The following SLC39A11 variants were observed in gnomAD, a reference collection of about 807,000 sequenced individuals.
SLC39A11 encodes the protein solute carrier family 39 member 11.
A neutral mutation model predicts 36.1 loss-of-function variants in SLC39A11; 33 were observed. That is an observed-to-expected ratio of 0.91 (90% CI 0.69 to 1.22). The LOEUF (loss-of-function observed/expected upper bound fraction) is 1.22, where lower values mean the gene tolerates loss of function less well. Among genes scored for constraint, SLC39A11 ranks in the 50% most tolerant of loss-of-function variants. The pLI, the probability that SLC39A11 is intolerant of heterozygous loss-of-function variation, is 0.00. For synonymous variants in SLC39A11, 166 were observed against 170.3 expected, an observed-to-expected ratio of 0.97 and a Z score of 0.20; for missense variants, 432 against 430.3, an observed-to-expected ratio of 1.00 and a Z score of -0.03.
intron 6 of SLC39A11, among the ~76,000 whole-genome samples, chr17:72,775,172 C>T (rs1471735780): frequency 6.6e-6 from 1 of 152,098 alleles, no homozygotes; most frequent in African/African-American, 2.4e-5. Flanking sequence ...ACTCAGCTAA[C>T]GTATCACCTT....
At chr17:72,938,508 A>C (rs1036137156) in intron 5 of SLC39A11, among the ~76,000 whole-genome samples, 2 of 152,182 alleles carry the variant, frequency 1.3e-5, no homozygotes, top group African/African-American at 4.8e-5. Context: ...GGAGTGAATA[A>C]ATGCAAAGGA....
chr17:72,884,611 A>G (rs541557270), intron 5 of SLC39A11, among the ~76,000 whole-genome samples: 1 of 152,222 alleles, frequency 6.6e-6, no homozygotes, highest in Non-Finnish European at 1.5e-5. Flanking sequence ...TATCTTAAGG[A>G]CCAGACTATA....
chr17:72,844,094 A>G lies in SLC39A11; in HGVS notation c.601+5540T>C, dbSNP rs140576353. ...GTCTGTCTTAAAAACCCAGAGTCTCAGGGAATGTCAAAGCTCTAGTTAAAT... is the reference window on the plus strand; with the variant it reads ...GTCTGTCTTAAAAACCCAGAGTCTCGGGGAATGTCAAAGCTCTAGTTAAAT... On this transcript the variant is annotated intron_variant, in intron 6 of 9. Transcript: ENST00000255559. Among the ~76,000 whole-genome samples the G allele has an allele frequency of 3.2e-3, 480 of 152,352 alleles. 1 individual carries two copies. The highest frequency in any genetic ancestry group is 9.9e-3 in the African/African-American group (412 of 41,582).
intron 3 of SLC39A11, among the ~76,000 whole-genome samples, chr17:73,074,357 G>A (rs1453394882): frequency 6.9e-6 from 1 of 144,280 alleles, no homozygotes; most frequent in Non-Finnish European, 1.5e-5. Context: ...GAGTGCAGTG[G>A]TGCAATCTTG....
chr17:72,649,250 G>A lies in SLC39A11; in HGVS notation c.690C>T (p.Ile230=), dbSNP rs186594537. ...GGCCCTCGGGGAAATTCTGGATCCC[G>A]ATTCCAATGGCCAAATTCCTGAAAA... is the stretch of plus-strand genomic sequence containing the variant. ...FESARNLAIG[I]GIQNFPEGLA... Residue 230 remains isoleucine, a synonymous_variant, in exon 8 of 10, where the codon ATC becomes ATT. Coordinates refer to ENST00000255559, the MANE Select transcript of SLC39A11 (RefSeq NM_139177.4). 50 of 1,614,158 alleles carry A rather than the reference G, an allele frequency of 3.1e-5. No individual in the cohort carries two copies. In the African/African-American group the frequency reaches 4.8e-4, roughly 15 times the overall value.
chr17:72,850,770 G>GAA (rs2079271709), intron 5 of SLC39A11, among the ~76,000 whole-genome samples: 1 of 152,196 alleles, frequency 6.6e-6, no homozygotes, highest in Non-Finnish European at 1.5e-5. Context: ...AACAATGTCT[G>GAA]AAAGTACTTA....
chr17:72,758,559 T>C (rs2075450013), intron 6 of SLC39A11, among the ~76,000 whole-genome samples: 1 of 152,192 alleles, frequency 6.6e-6, no homozygotes, highest in African/African-American at 2.4e-5. Context: ...TTTCCTTCCC[T>C]AATATAGACT....
At chr17:72,721,898 A>G (rs1490528174) in intron 7 of SLC39A11, among the ~76,000 whole-genome samples, 1 of 146,842 alleles carries the variant, frequency 6.8e-6, no homozygotes, top group Non-Finnish European at 1.5e-5. Context: ...TGAACCTGGG[A>G]GGCAGAGGCT....
At chr17:73,075,070 T>C (rs567105308) in intron 3 of SLC39A11, among the ~76,000 whole-genome samples, 12 of 152,310 alleles carry the variant, frequency 7.9e-5, no homozygotes, top group Admixed American at 2.0e-4. Flanking sequence ...TCCAAATTCA[T>C]CCAGATGTCT....
At chr17:73,048,338 C>A (rs114720529) in intron 3 of SLC39A11, among the ~76,000 whole-genome samples, 8,728 of 152,190 alleles carry the variant, frequency 0.057, 559 homozygotes, top group East Asian at 0.39. Context: ...GCCTCCAGCT[C>A]CATCCATGTT....
At chr17:72,936,141 T>C (rs1039679865) in intron 5 of SLC39A11, among the ~76,000 whole-genome samples, 4 of 152,010 alleles carry the variant, frequency 2.6e-5, no homozygotes, top group African/African-American at 9.7e-5. Context: ...GACGTTGTGG[T>C]GAGCCGAGAT....
intron 6 of SLC39A11, among the ~76,000 whole-genome samples, chr17:72,740,188 G>C (rs557011460): frequency 1.4e-5 from 2 of 145,760 alleles, no homozygotes; most frequent in East Asian, 4.3e-4. Context: ...TCAGCCTCCC[G>C]AGTGGCTGGG....
At chr17:72,975,998 G>A (rs1486226704) in intron 4 of SLC39A11, among the ~76,000 whole-genome samples, 14 of 151,004 alleles carry the variant, frequency 9.3e-5, no homozygotes, top group South Asian at 4.2e-4. Flanking sequence ...GTGAAACCCC[G>A]TCTCTACTAA....
At chr17:72,996,457 A>C (rs930706345) in intron 4 of SLC39A11, among the ~76,000 whole-genome samples, 4 of 152,186 alleles carry the variant, frequency 2.6e-5, no homozygotes, top group African/African-American at 9.7e-5. Context: ...GAATCAAGGT[A>C]TCAGCAGGGC....
intron 7 of SLC39A11, among the ~76,000 whole-genome samples, chr17:72,679,500 C>A (rs2071417801): frequency 6.6e-6 from 1 of 152,192 alleles, no homozygotes; most frequent in South Asian, 2.1e-4. Context: ...CCCAGGGAAC[C>A]TGTTCTGCAG....
rs149939873 is a variant in SLC39A11, at chr17:72,947,834, G to A, written c.348C>T (p.Phe116=). ...ACTTCTTCTTCATCAACGTAGAGCCGAAGTTCAGTGCCAGGGTCGTCTGGG... is the reference window on the plus strand; with the variant it reads ...ACTTCTTCTTCATCAACGTAGAGCCAAAGTTCAGTGCCAGGGTCGTCTGGG... The part of the protein sequence containing the change: ...EDPQTTLALN[F]GSTLMKKKSD... Residue 116 remains phenylalanine, a synonymous_variant, in exon 5 of 10, where the codon TTC becomes TTT. Coordinates refer to ENST00000255559, the MANE Select transcript of SLC39A11 (RefSeq NM_139177.4). 2.3e-4 allele frequency: 376 copies of A among 1,614,082 alleles called. 2 individuals carry two copies. The South Asian group carries it at 3.8e-3, about 16-fold the overall frequency.
intron 3 of SLC39A11, among the ~76,000 whole-genome samples, chr17:73,038,197 C>T (rs760043876): frequency 7.2e-5 from 11 of 152,102 alleles, no homozygotes; most frequent in Non-Finnish European, 1.6e-4. Context: ...GTACTCCAGC[C>T]TGAGTGACAG....
chr17:73,058,260 C>A (rs2059733358), intron 3 of SLC39A11, among the ~76,000 whole-genome samples: 1 of 152,098 alleles, frequency 6.6e-6, no homozygotes, highest in Admixed American at 6.6e-5. Flanking sequence ...TCCCTGGGGG[C>A]AATAATGAGT....
chr17:72,719,439 C>A (rs957388209), intron 7 of SLC39A11, among the ~76,000 whole-genome samples: 1 of 152,170 alleles, frequency 6.6e-6, no homozygotes. Flanking sequence ...CCTTTCTTGG[C>A]GTACCAAGCA....
Sources: gnomAD v4.1 joint callset for allele counts (sites outside exome capture counted in the v4.1 genomes callset) on GRCh38, gnomAD v4.1.1 for gene constraint, MANE v1.5 for transcripts, NCBI Gene and HGNC (gene_info 2026-07-23, HGNC 2026-07-21) for gene names.